The following OR2B11 variants were observed in gnomAD, a reference collection of about 807,000 sequenced individuals.
OR2B11 encodes the protein olfactory receptor family 2 subfamily B member 11, also known as olfactory receptor 2B11.
For synonymous variants in OR2B11, 198 were observed against 174.5 expected (o/e 1.13, Z -1.06); for missense variants, 422 against 400.0 (o/e 1.05, Z -0.47).
rs1664823303 is a variant in OR2B11 at position 247,450,649 on chromosome 1, A to G, written c.*380T>C. 1 of 160,376 alleles carries G rather than the reference A, an allele frequency of 6.2e-6. No homozygotes were observed. The highest frequency in any genetic ancestry group is 1.4e-5 in the Non-Finnish European group (1 of 73,850). 9.9% of individuals were successfully genotyped at this position (160,376 alleles called of 1,614,324 possible). A position where few individuals can be genotyped will look rare whatever the true frequency, so the allele number is the denominator to read the frequency against. ...ATGGAGAAAAACACTTATTCATTGT[A>G]AGTAAAATAAGATTGTATTTCAGCT... On this transcript the variant is annotated 3_prime_UTR_variant, in exon 2 of 2. Coordinates refer to ENST00000641149, the MANE Select transcript of OR2B11 (RefSeq NM_001004492.2).
Position 247,452,417 on chromosome 1 carries a change from A to G in OR2B11, c.-435T>C, listed in dbSNP as rs1300868499. 6.0e-6 allele frequency: 1 copy of G among 167,464 alleles called. No individual in the cohort carries two copies. Among genetic ancestry groups the G allele is most frequent in the Non-Finnish European group, 1.3e-5 (1 of 76,060 alleles). The allele number at this position is 167,464 out of a possible 1,614,324, so 10.4% of individuals were successfully genotyped here. On this transcript the variant is annotated 5_prime_UTR_variant, in exon 2 of 2. Transcript: ENST00000641149. ...TTGATTTCTCTCTACATCCACATCG[A>G]CAAGGAATTGTCCACCTTCTTAGGC... is the stretch of plus-strand genomic sequence containing the variant.
chr1:247,451,859 C>A lies in OR2B11; in HGVS notation c.124G>T (p.Ala42Ser), dbSNP rs1416986807. The A allele has an allele frequency of 6.8e-6, 11 of 1,613,986 alleles. No individual in the cohort carries two copies. The highest frequency in any genetic ancestry group is 9.3e-6 in the Non-Finnish European group (11 of 1,180,028). The change falls in exon 2 of 2, where the codon GCC becomes TCC. Residue 42 changes from alanine to serine, a missense_variant. Transcript: ENST00000641149. ...ATGATGGCGACGTTCCCCAACATGG[C>A]CAGCACATAGGACAGCAGGAGGACC... ...FVVLLLSYVL[A>S]MLGNVAIILA...
At position 247,452,215 on chromosome 1, in the gene OR2B11, T is replaced by C; in HGVS notation, c.-233A>G. The C allele has an allele frequency of 2.0e-6, 1 of 504,272 alleles. No homozygotes were observed. 31.2% of individuals were successfully genotyped at this position (504,272 alleles called of 1,614,324 possible). On this transcript the variant is annotated 5_prime_UTR_variant, in exon 2 of 2. It removes the in-frame stop codon of an upstream open reading frame in the 5' UTR. Transcript: ENST00000641149. ...CTCCTTCCTACTCAGTGGCCGCAACTAAACCATTTAATATTCCTGAACTTC... is the reference window on the plus strand; with the variant it reads ...CTCCTTCCTACTCAGTGGCCGCAACCAAACCATTTAATATTCCTGAACTTC...
chr1:247,451,197 C>T lies in OR2B11; in HGVS notation c.786G>A (p.Met262Ile). 6.3e-7 allele frequency: 1 copy of T among 1,578,612 alleles called. No homozygotes were observed. The highest frequency in any genetic ancestry group is 8.6e-7 in the Non-Finnish European group (1 of 1,159,644). The stretch of plus-strand genomic sequence containing the variant: ...AGTAGCTGGAAGGGGGCTGCAGATA[C>T]ATGTAAATCGCAGGTAGGTAGAAGA... ...VSLFYLPAIY[M>I]YLQPPSSYSQ... The change falls in exon 2 of 2, where the codon ATG becomes ATA. Residue 262 changes from methionine to isoleucine, a missense_variant. Coordinates refer to ENST00000641149, the MANE Select transcript of OR2B11 (RefSeq NM_001004492.2).
In OR2B11 at chr1:247,452,235, A is replaced by C; in HGVS notation, c.-253T>G. ...GCAACTAAACCATTTAATATTCCTG[A>C]ACTTCTGCATCTGTAAAATGGGGAG... On this transcript the variant is annotated 5_prime_UTR_variant, in exon 2 of 2. Transcript: ENST00000641149. The C allele has an allele frequency of 4.4e-6, 2 of 452,136 alleles. No homozygotes were observed. The highest frequency in any genetic ancestry group is 4.0e-6 in the Non-Finnish European group (1 of 251,830). 28.0% of individuals were successfully genotyped at this position (452,136 alleles called of 1,614,324 possible). A position where few individuals can be genotyped will look rare whatever the true frequency, so the allele number is the denominator to read the frequency against.
rs1664818334 is a variant in OR2B11 at position 247,450,403 on chromosome 1, C to T, written c.*626G>A. 2 of 152,198 alleles carry T rather than the reference C, an allele frequency of 1.3e-5. No homozygotes were observed. The highest frequency in any genetic ancestry group is 4.8e-5 in the African/African-American group (2 of 41,450). 9.4% of individuals were successfully genotyped at this position (152,198 alleles called of 1,614,324 possible). A position where few individuals can be genotyped will look rare whatever the true frequency, so the allele number is the denominator to read the frequency against. ...ATGCCCCGTAGTGGGATTGCTGGATCAAATGGTAGATCTACTTTTTGTTCT... is the reference window on the plus strand; with the variant it reads ...ATGCCCCGTAGTGGGATTGCTGGATTAAATGGTAGATCTACTTTTTGTTCT... On this transcript the variant is annotated 3_prime_UTR_variant, in exon 2 of 2. Transcript: ENST00000641149.
rs1664892676 is a variant in OR2B11, at chr1:247,453,542, A to C, written c.-1560T>G. 1 of 152,254 alleles carries C rather than the reference A, an allele frequency of 6.6e-6. No homozygotes were observed. The highest frequency in any genetic ancestry group is 1.5e-5 in the Non-Finnish European group (1 of 68,050). 9.4% of individuals were successfully genotyped at this position (152,254 alleles called of 1,614,324 possible). ...TCAAAACAGTGAGCTGTGGCCGAGC[A>C]AAGTCAAGCTAGCACATTTTTAAGT... On this transcript the variant is annotated 5_prime_UTR_variant, in exon 2 of 2. Coordinates refer to ENST00000641149, the MANE Select transcript of OR2B11 (RefSeq NM_001004492.2).
Position 247,451,935 on chromosome 1 carries a change from G to A in OR2B11, c.48C>T (p.Phe16=), listed in dbSNP as rs1664858113. 2 of 1,604,492 alleles carry A rather than the reference G, an allele frequency of 1.2e-6. No homozygotes were observed. The highest frequency in any genetic ancestry group is 4.5e-5 in the East Asian group (2 of 44,360). The change falls in exon 2 of 2, where the codon TTC becomes TTT. Residue 16 remains phenylalanine, a synonymous_variant. Coordinates refer to ENST00000641149, the MANE Select transcript of OR2B11 (RefSeq NM_001004492.2). ...HSFLGDSPKA[F]ILLGVSDRPW... ...GCCTGTCAGACACACCCAGAAGGAT[G>A]AAGGCTTTAGGGGAGTCCCCTAAGA...
Position 247,451,075 on chromosome 1 carries a change from C to T in OR2B11, c.908G>A (p.Gly303Glu). 6.6e-7 allele frequency: 1 copy of T among 1,509,696 alleles called. No homozygotes were observed. The highest frequency in any genetic ancestry group is 8.9e-7 in the Non-Finnish European group (1 of 1,129,452). 93.5% of individuals were successfully genotyped at this position (1,509,696 alleles called of 1,614,324 possible). A position where few individuals can be genotyped will look rare whatever the true frequency, so the allele number is the denominator to read the frequency against. The stretch of plus-strand genomic sequence containing the variant: ...CCTGGCCAGAAGTCTCCTCAGAGCC[C>T]CCTTCATATCTTTATTTCTCAGGGT... Reference protein sequence around the residue: ...TYTLRNKDMKGALRRLLARIW... With the variant: ...TYTLRNKDMKEALRRLLARIW... Residue 303 changes from glycine (G) to glutamate (E), a missense_variant, in exon 2 of 2, where the codon GGG becomes GAG. Gly to Glu is a moderately conservative substitution (Grantham distance 98). Coordinates refer to ENST00000641149, the MANE Select transcript of OR2B11 (RefSeq NM_001004492.2).
Position 247,451,362 on chromosome 1 carries a change from C to A in OR2B11, c.621G>T (p.Val207=), listed in dbSNP as rs764823291. Residue 207 remains valine (V), a synonymous_variant, in exon 2 of 2, where the codon GTG becomes GTT. Coordinates refer to ENST00000641149, the MANE Select transcript of OR2B11 (RefSeq NM_001004492.2). ...CCAGGGGCACCAACACGAAGAAGGC[C>A]ACCAGCACAGCCAGTATGGTGTCAT... ...AVNDTILAVL[V]AFFVLVPLAL... The A allele has an allele frequency of 4.4e-5, 71 of 1,614,052 alleles. No individual in the cohort carries two copies. Among genetic ancestry groups the A allele is most frequent in the Non-Finnish European group, 5.6e-5 (66 of 1,180,038 alleles).
Position 247,452,131 on chromosome 1 carries a change from C to T in OR2B11, c.-149G>A, listed in dbSNP as rs923036372. On this transcript the variant is annotated 5_prime_UTR_variant, in exon 2 of 2. Transcript: ENST00000641149. ...TTGATTCTCCTTACCTCTGTGGAGA[C>T]GCTGGGATGCGGAAGGGTCAGAACC... 2.6e-5 allele frequency: 16 copies of T among 613,654 alleles called. No individual in the cohort carries two copies. The highest frequency in any genetic ancestry group is 8.7e-5 in the Admixed American group (3 of 34,492). 38.0% of individuals were successfully genotyped at this position (613,654 alleles called of 1,614,324 possible).
chr1:247,453,465 G>A lies in OR2B11; in HGVS notation c.-1483C>T, dbSNP rs147399934. 1.8e-4 allele frequency: 27 copies of A among 152,318 alleles called. 1 individual carries two copies. The East Asian group carries it at 4.6e-3, about 26-fold the overall frequency. The allele number at this position is 152,318 out of a possible 1,614,324, so 9.4% of individuals were successfully genotyped here. A position where few individuals can be genotyped will look rare whatever the true frequency, so the allele number is the denominator to read the frequency against. ...CCCAGATTCTATCAACAATACTTAT[G>A]AAATAAACTTCACAGAATGTGATCT... is the stretch of plus-strand genomic sequence containing the variant. On this transcript the variant is annotated 5_prime_UTR_variant, in exon 2 of 2. Coordinates refer to ENST00000641149, the MANE Select transcript of OR2B11 (RefSeq NM_001004492.2).
chr1:247,456,473 C>T (rs1421190279), intron 1 of OR2B11, among the ~76,000 whole-genome samples: 1 of 152,094 alleles, frequency 6.6e-6, no homozygotes, highest in Non-Finnish European at 1.5e-5. Flanking sequence ...TGCACGACCT[C>T]GTTAAACACC....
rs1553295327 is a variant in OR2B11 at position 247,454,193 on chromosome 1, A to ACG, written c.-2212_-2211insCG. 1.3e-4 allele frequency: 4 copies of ACG among 31,186 alleles called. No homozygotes were observed. Among genetic ancestry groups the ACG allele is most frequent in the Non-Finnish European group, 2.0e-4 (3 of 14,886 alleles). 1.9% of individuals were successfully genotyped at this position (31,186 alleles called of 1,614,324 possible). On this transcript the variant is annotated 5_prime_UTR_variant, in exon 2 of 2. The change creates a premature stop within an existing upstream ORF in the 5' untranslated region. Coordinates refer to ENST00000641149, the MANE Select transcript of OR2B11 (RefSeq NM_001004492.2). ...TGCACGTGCACACGCACACACACACACACACACACACACGCACACACACAC... is the reference window on the plus strand; with the variant it reads ...TGCACGTGCACACGCACACACACACACGCACACACACACACGCACACACACAC...
Position 247,457,769 on chromosome 1 carries a change from C to G in OR2B11, c.-3213G>C, listed in dbSNP as rs4925668. The G allele has an allele frequency of 0.97, 147,805 of 152,332 alleles. 71,853 individuals carry two copies. The highest frequency in any genetic ancestry group is 1 in the Middle Eastern group (294 of 294). 9.4% of individuals were successfully genotyped at this position (152,332 alleles called of 1,614,324 possible). On this transcript the variant is annotated 5_prime_UTR_variant, in exon 1 of 2. Transcript: ENST00000641149. Reference sequence around the variant, plus strand: ...AGAAATGCTCTTCATATTCCAGGAACACACAGCACATTTCCTCTGATGGGC... The same window carrying G: ...AGAAATGCTCTTCATATTCCAGGAAGACACAGCACATTTCCTCTGATGGGC...
intron 1 of OR2B11, among the ~76,000 whole-genome samples, chr1:247,456,727 G>A (rs923539406): frequency 4.0e-5 from 6 of 151,582 alleles, no homozygotes; most frequent in Non-Finnish European, 7.4e-5. Flanking sequence ...CGTCATCTAC[G>A]TTAGGTATTT....
At chr1:247,455,651 C>T (rs961416029) in intron 1 of OR2B11, among the ~76,000 whole-genome samples, 2 of 152,172 alleles carry the variant, frequency 1.3e-5, no homozygotes, top group East Asian at 1.9e-4. Flanking sequence ...CTCAACTCCA[C>T]CTCTTCATCT....
rs1052626454 is a variant in OR2B11, at chr1:247,452,098, T to C, written c.-116A>G. ...CATCCACTCTTCCTTTCCCAGGTGA[T>C]AGCCTGTTTGATTCTCCTTACCTCT... On this transcript the variant is annotated 5_prime_UTR_variant, in exon 2 of 2. Coordinates refer to ENST00000641149, the MANE Select transcript of OR2B11 (RefSeq NM_001004492.2). 5.8e-6 allele frequency: 4 copies of C among 686,050 alleles called. No individual in the cohort carries two copies. The highest frequency in any genetic ancestry group is 5.3e-5 in the African/African-American group (3 of 56,102). 42.5% of individuals were successfully genotyped at this position (686,050 alleles called of 1,614,324 possible).
Position 247,451,936 on chromosome 1 carries a change from AAGGCTTT to A in OR2B11, c.40_46del (p.Lys14SerfsTer151). 1.2e-6 allele frequency: 2 copies of A among 1,602,492 alleles called. No individual in the cohort carries two copies. The highest frequency in any genetic ancestry group is 1.7e-6 in the Non-Finnish European group (2 of 1,175,192). ...CCTGTCAGACACACCCAGAAGGATG[AAGGCTTT>A]AGGGGAGTCCCCTAAGAAGCTATGG... On this transcript the variant is annotated frameshift_variant, in exon 2 of 2. Transcript: ENST00000641149. LOFTEE classifies it low-confidence loss of function (END_TRUNC).
Sources: allele counts gnomAD v4.1 joint callset (sites outside exome capture counted in the v4.1 genomes callset), GRCh38; gene constraint gnomAD v4.1.1; transcripts MANE v1.5; gene names NCBI Gene and HGNC (gene_info 2026-07-23, HGNC 2026-07-21).